ACTR10: variants seen among roughly 807,000 people sequenced by gnomAD.
The protein encoded by ACTR10 is actin-related protein 10.
Under a neutral mutation model 56.2 loss-of-function variants are expected in ACTR10, and 43 were observed. That is an observed-to-expected ratio of 0.77 (90% CI 0.60 to 0.99). ACTR10 has a LOEUF of 0.99. ACTR10 is among the 50% of genes least tolerant of loss of function. ACTR10 has a pLI of 0.00. For synonymous variants in ACTR10, 170 were observed against 176.3 expected (o/e 0.96, Z 0.28); for missense variants, 466 against 507.8 (o/e 0.92, Z 0.79).
intron 1 of ACTR10, among the ~76,000 whole-genome samples, chr14:58,200,652 G>C (rs1449381656): frequency 6.6e-6 from 1 of 152,172 alleles, no homozygotes; most frequent in East Asian, 1.9e-4. Flanking sequence ...GCAGCCAACC[G>C]AATGTAAATG....
intron 2 of ACTR10, among the ~76,000 whole-genome samples, chr14:58,205,050 A>G (rs1026631518): frequency 5.9e-5 from 9 of 151,862 alleles, no homozygotes; most frequent in Admixed American, 4.6e-4. Flanking sequence ...GAGAAACCCT[A>G]TCTCTACTAA....
At chr14:58,201,564 A>G (rs1391814892) in intron 1 of ACTR10, among the ~76,000 whole-genome samples, 2 of 152,234 alleles carry the variant, frequency 1.3e-5, no homozygotes, top group Non-Finnish European at 2.9e-5. Context: ...GGAGAGCAGT[A>G]TCAAAAACTA....
intron 10 of ACTR10, among the ~76,000 whole-genome samples, chr14:58,225,676 A>C (rs1889379530): frequency 2.0e-5 from 3 of 152,008 alleles, no homozygotes; most frequent in Admixed American, 2.0e-4. Flanking sequence ...TAACTACTTA[A>C]AGAAATACAG....
chr14:58,224,162 G>A (rs911701688), intron 10 of ACTR10, among the ~76,000 whole-genome samples: 10 of 151,860 alleles, frequency 6.6e-5, no homozygotes, highest in Admixed American at 1.3e-4. Flanking sequence ...CACCATGCCT[G>A]GCTAATTTTT....
intron 7 of ACTR10, among the ~76,000 whole-genome samples, chr14:58,218,414 G>A (rs1009914623): frequency 1.3e-5 from 2 of 152,038 alleles, no homozygotes; most frequent in Admixed American, 6.6e-5. Flanking sequence ...TAGTATGTCT[G>A]TTTATTTATA....
At chr14:58,208,659 C>T (rs1259426084) in intron 3 of ACTR10, among the ~76,000 whole-genome samples, 1 of 150,108 alleles carries the variant, frequency 6.7e-6, no homozygotes, top group Non-Finnish European at 1.5e-5. Context: ...GCTGAGGTTG[C>T]AGTGAGGTGA....
At chr14:58,206,430 G>T (rs1390416159) in intron 2 of ACTR10, among the ~76,000 whole-genome samples, 1 of 151,828 alleles carries the variant, frequency 6.6e-6, no homozygotes, top group South Asian at 2.1e-4. Context: ...TGATCCACCC[G>T]CCTTGACCTC....
At position 58,234,028 on chromosome 14, in the gene ACTR10, G is replaced by A. The variant is rs924732075; in HGVS notation, c.1073-342G>A. Among the ~76,000 whole-genome samples the A allele has an allele frequency of 7.3e-5, 11 of 150,944 alleles. 1 individual carries two copies. The highest frequency in any genetic ancestry group is 6.6e-4 in the Admixed American group (10 of 15,082). ...TATTGATATGTAACCTTAGTTGTGA[G>A]AGAGAAAACTCAGAATCTTATTGAT... On this transcript the variant is annotated intron_variant, in intron 12 of 12. Transcript: ENST00000254286.
intron 8 of ACTR10, among the ~76,000 whole-genome samples, chr14:58,220,027 G>C (rs982311218): frequency 6.6e-6 from 1 of 152,140 alleles, no homozygotes; most frequent in African/African-American, 2.4e-5. Context: ...GCTTAAGAAA[G>C]CTACTGGTTT....
At chr14:58,233,872 G>A (rs1278754653) in intron 12 of ACTR10, among the ~76,000 whole-genome samples, 1 of 152,170 alleles carries the variant, frequency 6.6e-6, no homozygotes, top group Non-Finnish European at 1.5e-5. Context: ...ACGTAGTTTT[G>A]ATCTAGGACA....
chr14:58,205,608 C>T (rs1331032381), intron 2 of ACTR10, among the ~76,000 whole-genome samples: 1 of 152,140 alleles, frequency 6.6e-6, no homozygotes, highest in Non-Finnish European at 1.5e-5. Flanking sequence ...AGCCACTGCG[C>T]TCGGCCCAGA....
At chr14:58,203,207 CAGG>C (rs1389410988) in intron 2 of ACTR10, among the ~76,000 whole-genome samples, 1 of 146,602 alleles carries the variant, frequency 6.8e-6, no homozygotes, top group Non-Finnish European at 1.5e-5. Context: ...GGGGCCGAGG[CAGG>C]AGAATTGCTT....
chr14:58,218,906 A>T lies in ACTR10; in HGVS notation c.599-788A>T, dbSNP rs144400994. On this transcript the variant is annotated intron_variant, in intron 7 of 12. Coordinates refer to ENST00000254286, the MANE Select transcript of ACTR10 (RefSeq NM_018477.3). ...AATGGCATGATCTTGGCTTACCCCA[A>T]ACTCCTCCCGAGTTCAAGCGATTCT... Among the ~76,000 whole-genome samples, 60 of 152,046 alleles carry T rather than the reference A, an allele frequency of 3.9e-4. 1 individual carries two copies. Among genetic ancestry groups the T allele is most frequent in the African/African-American group, 1.2e-3 (50 of 41,476 alleles).
Position 58,208,008 on chromosome 14 carries a change from C to A in ACTR10, c.223C>A (p.Leu75Ile). The A allele has an allele frequency of 6.6e-7, 1 of 1,506,396 alleles. No individual in the cohort carries two copies. Among genetic ancestry groups the A allele is most frequent in the Non-Finnish European group, 8.8e-7 (1 of 1,135,204 alleles). 93.3% of individuals were successfully genotyped at this position (1,506,396 alleles called of 1,614,324 possible). ...YSYLKEFIHILYFRHLLVNPR... is the reference protein window; with the variant it reads ...YSYLKEFIHIIYFRHLLVNPR... ...CTACCTAAAGGAATTCATCCACATACTATATTTCAGGTAAGATACATTTTG... is the reference window on the plus strand; with the variant it reads ...CTACCTAAAGGAATTCATCCACATAATATATTTCAGGTAAGATACATTTTG... The change falls in exon 3 of 13, where the codon CTA becomes ATA. Residue 75 changes from leucine to isoleucine, a missense_variant. Coordinates refer to ENST00000254286, the MANE Select transcript of ACTR10 (RefSeq NM_018477.3).
intron 8 of ACTR10, 93 bp downstream of exon 8, chr14:58,219,822 T>C: frequency 1.3e-6 from 1 of 773,712 alleles, no homozygotes; most frequent in Non-Finnish European, 1.9e-6. Context: ...GAAAATATAT[T>C]CATAATGTAA....
intron 4 of ACTR10, among the ~76,000 whole-genome samples, chr14:58,210,590 T>C (rs1888968840): frequency 6.6e-6 from 1 of 152,154 alleles, no homozygotes; most frequent in Non-Finnish European, 1.5e-5. Flanking sequence ...GAATTTTTTT[T>C]CTCTATTTTC....
At chr14:58,203,875 A>C (rs1001491309) in intron 2 of ACTR10, among the ~76,000 whole-genome samples, 1 of 152,214 alleles carries the variant, frequency 6.6e-6, no homozygotes, top group Non-Finnish European at 1.5e-5. Context: ...TTATATATGC[A>C]TTCCAGAAAA....
At chr14:58,231,210 G>C (rs537379481) in intron 11 of ACTR10, 24 of 186,678 alleles carry the variant, frequency 1.3e-4, no homozygotes, top group Middle Eastern at 2.7e-3. Flanking sequence ...GTGCCACCAT[G>C]CCTGGCTAAT....
intron 7 of ACTR10, among the ~76,000 whole-genome samples, chr14:58,218,015 T>C (rs1251838139): frequency 6.6e-6 from 1 of 152,218 alleles, no homozygotes; most frequent in Non-Finnish European, 1.5e-5. Context: ...TAAATAGTTA[T>C]AATTATTTGC....
Sources: allele counts gnomAD v4.1 joint callset (sites outside exome capture counted in the v4.1 genomes callset), GRCh38; gene constraint gnomAD v4.1.1; transcripts MANE v1.5; gene names NCBI Gene and HGNC (gene_info 2026-07-23, HGNC 2026-07-21).